SNTB1: variants seen among roughly 807,000 people sequenced by gnomAD.
The protein encoded by SNTB1 is syntrophin beta 1, also known as beta-1-syntrophin.
A neutral mutation model predicts 48.9 loss-of-function variants in SNTB1; 36 were observed. The observed-to-expected ratio is 0.74, with a 90% confidence interval of 0.56 to 0.97. The LOEUF is 0.97. Among genes scored for constraint, SNTB1 ranks in the 50% least tolerant of loss-of-function variants. The probability of loss-of-function intolerance (pLI) is 0.00; values close to 1 mark genes in which losing one functional copy is unlikely to be tolerated. For missense variants in SNTB1, 786 were observed against 703.4 expected (o/e 1.12, Z -1.33); for synonymous variants, 299 against 294.6 (o/e 1.01, Z -0.15).
At chr8:120,685,866 C>T (rs772150540) in intron 2 of SNTB1, among the ~76,000 whole-genome samples, 4 of 152,276 alleles carry the variant, frequency 2.6e-5, no homozygotes, top group South Asian at 2.1e-4. Context: ...ATATTTCTTC[C>T]GTCAAATATT....
chr8:120,578,102 G>A (rs1815979812), intron 3 of SNTB1, among the ~76,000 whole-genome samples: 1 of 152,092 alleles, frequency 6.6e-6, no homozygotes, highest in Non-Finnish European at 1.5e-5. Context: ...GTGCGATCTC[G>A]GTTCACTGCA....
chr8:120,718,547 G>C (rs1222346938), intron 1 of SNTB1, among the ~76,000 whole-genome samples: 1 of 152,182 alleles, frequency 6.6e-6, no homozygotes, highest in African/African-American at 2.4e-5. Context: ...AACATATTTA[G>C]ACCTATAGTA....
At chr8:120,732,487 C>T (rs1818868962) in intron 1 of SNTB1, among the ~76,000 whole-genome samples, 1 of 152,142 alleles carries the variant, frequency 6.6e-6, no homozygotes, top group Admixed American at 6.5e-5. Flanking sequence ...TCATTTACTT[C>T]AGTTAAGAGT....
intron 3 of SNTB1, among the ~76,000 whole-genome samples, chr8:120,630,022 T>C (rs937509529): frequency 2.0e-5 from 3 of 152,212 alleles, no homozygotes; most frequent in African/African-American, 7.2e-5. Context: ...TGAATAGTGG[T>C]AATGATTTTA....
chr8:120,564,303 T>G (rs1388535861), intron 4 of SNTB1, among the ~76,000 whole-genome samples: 1 of 151,942 alleles, frequency 6.6e-6, no homozygotes, highest in Non-Finnish European at 1.5e-5. Flanking sequence ...TAAGAGACAA[T>G]AGAGAGCTTG....
chr8:120,723,652 T>C (rs909560916), intron 1 of SNTB1, among the ~76,000 whole-genome samples: 6 of 152,172 alleles, frequency 3.9e-5, no homozygotes, highest in Non-Finnish European at 8.8e-5. Flanking sequence ...TTCAGATAGA[T>C]AGGCGACTGG....
intron 3 of SNTB1, among the ~76,000 whole-genome samples, chr8:120,590,138 T>C (rs1012245842): frequency 6.6e-6 from 1 of 152,222 alleles, no homozygotes. Flanking sequence ...GCTGTCTTTA[T>C]GGCAGCTGGC....
chr8:120,596,002 G>A (rs1299407635), intron 3 of SNTB1, among the ~76,000 whole-genome samples: 2 of 152,112 alleles, frequency 1.3e-5, no homozygotes, highest in South Asian at 2.1e-4. Context: ...TCAATATGTT[G>A]AGCTGCTTTT....
chr8:120,649,607 C>T (rs1587062579), intron 2 of SNTB1, among the ~76,000 whole-genome samples: 1 of 146,454 alleles, frequency 6.8e-6, no homozygotes, highest in Non-Finnish European at 1.5e-5. Flanking sequence ...GCAGAGGTTA[C>T]TGCTGTCTTT....
intron 2 of SNTB1, among the ~76,000 whole-genome samples, chr8:120,653,679 G>A (rs1817446193): frequency 6.6e-6 from 1 of 152,098 alleles, no homozygotes; most frequent in Non-Finnish European, 1.5e-5. Context: ...ATATTCATAA[G>A]ATGAATTTAG....
chr8:120,564,363 A>G (rs749275812), intron 4 of SNTB1, among the ~76,000 whole-genome samples: 1 of 149,808 alleles, frequency 6.7e-6, no homozygotes, highest in Non-Finnish European at 1.5e-5. Flanking sequence ...AGAACATTAA[A>G]ATAGGGCAGC....
chr8:120,637,058 A>C (rs1000062366), intron 2 of SNTB1: 2 of 374,826 alleles, frequency 5.3e-6, no homozygotes, highest in Non-Finnish European at 1.0e-5. Flanking sequence ...CATTTCTGAT[A>C]TCAATTTCAG....
intron 2 of SNTB1, among the ~76,000 whole-genome samples, chr8:120,686,835 A>G (rs1818043435): frequency 6.6e-6 from 1 of 152,156 alleles, no homozygotes; most frequent in South Asian, 2.1e-4. Context: ...TATACTTTAT[A>G]TATATTTTTT....
chr8:120,646,102 G>A (rs201569256), intron 2 of SNTB1, among the ~76,000 whole-genome samples: 20 of 146,098 alleles, frequency 1.4e-4, no homozygotes, highest in African/African-American at 3.3e-4. Flanking sequence ...CAATCATGTC[G>A]TCTGCAAACA....
Position 120,749,134 on chromosome 8 carries a change from C to G in SNTB1, c.572-55226G>C, listed in dbSNP as rs141198762. Among the ~76,000 whole-genome samples the G allele has an allele frequency of 2.6e-5, 4 of 152,020 alleles. No individual in the cohort carries two copies. The East Asian group carries it at 7.7e-4, about 29-fold the overall frequency. ...TTTGCCTGATTTTTCAAAATTGAAT[C>G]AAAGGAAAGCCTGGAAAAGAACGAG... On this transcript the variant is annotated intron_variant, in intron 1 of 6. Transcript: ENST00000517992.
rs140681816 is a variant in SNTB1, at chr8:120,729,917, G to A, written c.572-36009C>T. ...GTACCAAGACTTTACCAGAACTGCC[G>A]CTCCTAAAGCCACCATGCACATGAC... On this transcript the variant is annotated intron_variant, in intron 1 of 6. Coordinates refer to ENST00000517992, the MANE Select transcript of SNTB1 (RefSeq NM_021021.4). 9.7e-4 allele frequency among the ~76,000 whole-genome samples: 147 copies of A among 152,196 alleles called. 1 individual carries two copies. The highest frequency in any genetic ancestry group is 3.3e-3 in the African/African-American group (139 of 41,544).
At chr8:120,702,173 A>G (rs772877101) in intron 1 of SNTB1, among the ~76,000 whole-genome samples, 25 of 152,304 alleles carry the variant, frequency 1.6e-4, no homozygotes, top group Non-Finnish European at 3.5e-4. Flanking sequence ...CTGGCTCCCT[A>G]CCCTTAAGGT....
intron 2 of SNTB1, among the ~76,000 whole-genome samples, chr8:120,657,066 C>T (rs948545965): frequency 6.6e-6 from 1 of 152,192 alleles, no homozygotes; most frequent in Non-Finnish European, 1.5e-5. Flanking sequence ...GGTTAAATAT[C>T]TCCATTTTCA....
intron 3 of SNTB1, among the ~76,000 whole-genome samples, chr8:120,586,421 C>A (rs1330094750): frequency 1.3e-5 from 2 of 152,140 alleles, no homozygotes; most frequent in Non-Finnish European, 2.9e-5. Flanking sequence ...CTGGGGAGAA[C>A]CCTCTTCCTT....
Sources: gnomAD v4.1 joint callset for allele counts (sites outside exome capture counted in the v4.1 genomes callset) on GRCh38, gnomAD v4.1.1 for gene constraint, MANE v1.5 for transcripts, NCBI Gene and HGNC (gene_info 2026-07-23, HGNC 2026-07-21) for gene names.